ZNF479: variants seen among roughly 807,000 people sequenced by gnomAD.
ZNF479 encodes the protein zinc finger protein 479, also known as KRAB zinc finger protein KR19.
Under a neutral mutation model 14.7 loss-of-function variants are expected in ZNF479, and 15 were observed. The ratio of observed to expected loss-of-function variants is 1.02; its 90% confidence interval spans 0.68 to 1.57. ZNF479 has a LOEUF of 1.57. ZNF479 is among the 40% of genes most tolerant of loss of function. The pLI, the probability that ZNF479 is intolerant of heterozygous loss-of-function variation, is 0.00. For synonymous variants in ZNF479, 145 were observed against 211.5 expected (o/e 0.69, Z 2.73); for missense variants, 506 against 615.1 (o/e 0.82, Z 1.88).
rs1484213032 is a variant in ZNF479 at position 57,120,951 on chromosome 7, T to G, written c.464A>C (p.Lys155Thr). 1 of 1,614,024 alleles carries G rather than the reference T, an allele frequency of 6.2e-7. No individual in the cohort carries two copies. Among genetic ancestry groups the G allele is most frequent in the African/African-American group, 1.3e-5 (1 of 74,960 alleles). ...GACATATTTATGAGTCTGAAATATT[T>G]TGTTTTGGGTAGTTGACAAACATTG... is the stretch of plus-strand genomic sequence containing the variant. ...VNQCLSTTQN[K>T]IFQTHKYVKV... The change falls in exon 4 of 4, where the codon AAA becomes ACA. Residue 155 changes from lysine (K) to threonine (T), a missense_variant. Physicochemically the swap from Lys to Thr is moderately conservative, Grantham distance 78 (BLOSUM62 -1). This residue lies in a region of ZNF479 where 420 missense variants were observed against 474.2 expected (regional missense o/e 0.89). Transcript: ENST00000319636.
At position 57,126,119 on chromosome 7, in the gene ZNF479, T is replaced by C. The variant is rs62464809; in HGVS notation, c.167-6A>G. On this transcript the variant is annotated splice_region_variant and splice_polypyrimidine_tract_variant and intron_variant, in intron 2 of 3. Transcript: ENST00000319636. Reference sequence around the variant, plus strand: ...TGGCTTAGAGACAGCAATACCTGTTTTATTAAGAAAAAAAAGTAACATAGA... The same window carrying C: ...TGGCTTAGAGACAGCAATACCTGTTCTATTAAGAAAAAAAAGTAACATAGA... 31 of 1,589,668 alleles carry C rather than the reference T, an allele frequency of 2.0e-5. No homozygotes were observed. Among genetic ancestry groups the C allele is most frequent in the Non-Finnish European group, 2.4e-5 (28 of 1,176,400 alleles).
At chr7:57,139,186 T>C (rs1447024980) in intron 1 of ZNF479, among the ~76,000 whole-genome samples, 3 of 152,218 alleles carry the variant, frequency 2.0e-5, no homozygotes, top group African/African-American at 7.2e-5. Context: ...GCTAACAGTA[T>C]GAATTGTCAC....
upstream of ZNF479, among the ~76,000 whole-genome samples, chr7:57,133,159 T>G (rs2115899257): frequency 6.6e-6 from 1 of 152,068 alleles, no homozygotes; most frequent in South Asian, 2.1e-4. Flanking sequence ...GTAATTCCCG[T>G]TTGTCAGGGC....
At position 57,119,682 on chromosome 7, in the gene ZNF479, T is replaced by C; in HGVS notation, c.*158A>G. Reference sequence around the variant, plus strand: ...TTGGTTAAAGGCTTTGTTACATTTTTTTACATTTATAAAATTTCTGTCCAA... The same window carrying C: ...TTGGTTAAAGGCTTTGTTACATTTTCTTACATTTATAAAATTTCTGTCCAA... On this transcript the variant is annotated 3_prime_UTR_variant, in exon 4 of 4. Transcript: ENST00000319636. The C allele has an allele frequency of 4.1e-6, 3 of 736,714 alleles. No individual in the cohort carries two copies. The highest frequency in any genetic ancestry group is 3.0e-5 in the Admixed American group (1 of 33,498). The allele number at this position is 736,714 out of a possible 1,614,324, so 45.6% of individuals were successfully genotyped here.
At chr7:57,122,883 C>T (rs966441580) in intron 3 of ZNF479, among the ~76,000 whole-genome samples, 1 of 151,696 alleles carries the variant, frequency 6.6e-6, no homozygotes, top group African/African-American at 2.4e-5. Context: ...GGCTTCAAAA[C>T]ATATAAAGCA....
chr7:57,134,233 A>T (rs1786546478), upstream of ZNF479, among the ~76,000 whole-genome samples: 2 of 152,186 alleles, frequency 1.3e-5, no homozygotes, highest in South Asian at 4.1e-4. Flanking sequence ...TTTTACAAAG[A>T]CCTTGCTGAT....
chr7:57,117,692 A>G lies in ZNF479; in HGVS notation c.*2148T>C, dbSNP rs1164548610. Among the ~76,000 whole-genome samples the G allele has an allele frequency of 3.3e-5, 5 of 152,290 alleles. No individual in the cohort carries two copies. Among genetic ancestry groups the G allele is most frequent in the African/African-American group, 7.2e-5 (3 of 41,484 alleles). On this transcript the variant is annotated 3_prime_UTR_variant, in exon 4 of 4. Coordinates refer to ENST00000319636, the MANE Select transcript of ZNF479 (RefSeq NM_001370129.2). ...CACATAATCTTTAAAAAATTTTTAA[A>G]TTTATTGCATTTTATTACATAAACG...
intron 1 of ZNF479, 97 bp from the exon 2 acceptor site, chr7:57,126,815 G>A (rs1043264425): frequency 3.0e-5 from 40 of 1,322,134 alleles, no homozygotes; most frequent in African/African-American, 1.5e-4. Context: ...AAAAAAGAGA[G>A]TAAAAAGAAG....
intron 3 of ZNF479, among the ~76,000 whole-genome samples, chr7:57,124,756 C>T (rs183509436): frequency 7.0e-4 from 106 of 152,260 alleles, no homozygotes; most frequent in African/African-American, 1.5e-3. Flanking sequence ...AACTAGACAA[C>T]GATAATTGAA....
At chr7:57,133,468 C>G (rs547802834), upstream of ZNF479, among the ~76,000 whole-genome samples, 1 of 152,166 alleles carries the variant, frequency 6.6e-6, no homozygotes, top group East Asian at 1.9e-4. Context: ...TGGACTAATA[C>G]ATGCGGGCAG....
chr7:57,129,181 T>A (rs1311036657), intron 1 of ZNF479, among the ~76,000 whole-genome samples: 1 of 152,204 alleles, frequency 6.6e-6, no homozygotes, highest in African/African-American at 2.4e-5. Flanking sequence ...TGAACCGCAC[T>A]GACCTCTTCC....
intron 1 of ZNF479, among the ~76,000 whole-genome samples, chr7:57,127,843 G>A (rs1282871900): frequency 6.6e-6 from 1 of 150,990 alleles, no homozygotes; most frequent in Non-Finnish European, 1.5e-5. Flanking sequence ...ATTATGTGCT[G>A]ATGCACACAC....
At position 57,122,399 on chromosome 7, in the gene ZNF479, C is replaced by T. The variant is rs192560473; in HGVS notation, c.263-1247G>A. Among the ~76,000 whole-genome samples the T allele has an allele frequency of 4.4e-3, 657 of 150,374 alleles. 5 individuals carry two copies. The highest frequency in any genetic ancestry group is 6.1e-3 in the Non-Finnish European group (410 of 67,474). Reference sequence around the variant, plus strand: ...AATAAAATGCTGAAAAGAGGTCTTTCCACTTAAAATAACATGATGAAAAAT... The same window carrying T: ...AATAAAATGCTGAAAAGAGGTCTTTTCACTTAAAATAACATGATGAAAAAT... On this transcript the variant is annotated intron_variant, in intron 3 of 3. Transcript: ENST00000319636.
In ZNF479 at chr7:57,120,319, A is replaced by G. The variant is rs1785859955; in HGVS notation, c.1096T>C (p.Ser366Pro). Residue 366 changes from serine (S) to proline (P), a missense_variant, in exon 4 of 4, where the codon TCG becomes CCG. Coordinates refer to ENST00000319636, the MANE Select transcript of ZNF479 (RefSeq NM_001370129.2). ...EECGQAFSLSSNLMRHRRIHT... is the reference protein window; with the variant it reads ...EECGQAFSLSPNLMRHRRIHT... ...ATTCTCCTATGTCTCATAAGGTTCGAGGATAAGCTAAAGGCTTGGCCACAT... is the reference window on the plus strand; with the variant it reads ...ATTCTCCTATGTCTCATAAGGTTCGGGGATAAGCTAAAGGCTTGGCCACAT... The G allele has an allele frequency of 2.5e-6, 4 of 1,609,302 alleles. No homozygotes were observed. In the East Asian group the frequency reaches 9.0e-5, roughly 36 times the overall value.
chr7:57,123,561 CAGTG>C lies in ZNF479; in HGVS notation c.263-2413_263-2410del, dbSNP rs200094263. Among the ~76,000 whole-genome samples, 1,044 of 152,210 alleles carry C rather than the reference CAGTG, an allele frequency of 6.9e-3. 11 individuals are homozygous for C. Among genetic ancestry groups the C allele is most frequent in the African/African-American group, 0.024 (977 of 41,532 alleles). On this transcript the variant is annotated intron_variant, in intron 3 of 3. Transcript: ENST00000319636. ...TAAATTTCAAAAGATCAGCCAGGTG[CAGTG>C]GCTCACAGGTGTAATCCCAGCAGTT...
chr7:57,123,608 A>G (rs1009089440), intron 3 of ZNF479, among the ~76,000 whole-genome samples: 2 of 152,142 alleles, frequency 1.3e-5, no homozygotes, highest in African/African-American at 4.8e-5. Flanking sequence ...CCAAGGTGGA[A>G]GAATCACTTG....
At chr7:57,122,435 A>C (rs1785994279) in intron 3 of ZNF479, among the ~76,000 whole-genome samples, 1 of 151,816 alleles carries the variant, frequency 6.6e-6, no homozygotes, top group Non-Finnish European at 1.5e-5. Flanking sequence ...ATATGTAATC[A>C]TATGAAAATA....
upstream of ZNF479, among the ~76,000 whole-genome samples, chr7:57,137,365 A>G (rs148865493): frequency 1.1e-3 from 168 of 152,258 alleles, 1 homozygote; most frequent in East Asian, 1.2e-3. Flanking sequence ...GGGTTTCACT[A>G]TGTTGGTCAG....
In ZNF479 at chr7:57,125,596, T is replaced by C. The variant is rs542603331; in HGVS notation, c.262+422A>G. Reference sequence around the variant, plus strand: ...CTATAGTAATAAAAACAGAATGGCATGTGCAGAAAAATGGATGACCACCAA... The same window carrying C: ...CTATAGTAATAAAAACAGAATGGCACGTGCAGAAAAATGGATGACCACCAA... On this transcript the variant is annotated intron_variant, in intron 3 of 3. Coordinates refer to ENST00000319636, the MANE Select transcript of ZNF479 (RefSeq NM_001370129.2). 7.2e-5 allele frequency among the ~76,000 whole-genome samples: 11 copies of C among 151,854 alleles called. No individual in the cohort carries two copies. The East Asian group carries it at 1.5e-3, about 21-fold the overall frequency.
Sources: allele counts gnomAD v4.1 joint callset (sites outside exome capture counted in the v4.1 genomes callset), GRCh38; gene constraint gnomAD v4.1.1; regional missense constraint gnomAD v4.1.1; transcripts MANE v1.5; gene names NCBI Gene and HGNC (gene_info 2026-07-23, HGNC 2026-07-21).